The following RCOR1 variants were observed in gnomAD, a reference collection of about 807,000 sequenced individuals.
The protein encoded by RCOR1 is REST corepressor 1.
A neutral mutation model predicts 64.0 loss-of-function variants in RCOR1; 12 were observed. The observed-to-expected ratio is 0.19, with a 90% confidence interval of 0.12 to 0.30. The LOEUF (loss-of-function observed/expected upper bound fraction) is 0.30. Among genes scored for constraint, RCOR1 ranks in the 10% least tolerant of loss-of-function variants. RCOR1 has a pLI of 1.00. For synonymous variants in RCOR1, 279 were observed against 227.2 expected (o/e 1.23, Z -2.05); for missense variants, 502 against 621.2 (o/e 0.81, Z 2.04).
intron 2 of RCOR1, among the ~76,000 whole-genome samples, chr14:102,636,744 C>T (rs146580675): frequency 0.09 from 13,632 of 151,620 alleles, 667 homozygotes; most frequent in Middle Eastern, 0.17. Flanking sequence ...CCGAGGCAGG[C>T]GGATCACCTG....
At chr14:102,621,696 G>A (rs899303692) in intron 2 of RCOR1, among the ~76,000 whole-genome samples, 3 of 107,660 alleles carry the variant, frequency 2.8e-5, no homozygotes, top group Admixed American at 1.0e-4. Context: ...TAGTTGGCAC[G>A]AAATAAAATC....
chr14:102,598,550 C>A (rs554616615), intron 2 of RCOR1, among the ~76,000 whole-genome samples: 3 of 104,114 alleles, frequency 2.9e-5, no homozygotes, highest in African/African-American at 8.9e-5. Flanking sequence ...TGGGTTCATG[C>A]CGTTCTCCTG....
intron 2 of RCOR1, among the ~76,000 whole-genome samples, chr14:102,596,604 G>C (rs1172866734): frequency 6.6e-6 from 1 of 151,776 alleles, no homozygotes; most frequent in East Asian, 1.9e-4. Context: ...TCACTCTGTT[G>C]CCCAGGCTGG....
At position 102,593,476 on chromosome 14, in the gene RCOR1, G is replaced by GCGCACA. The variant is rs1893177677; in HGVS notation, c.361+160_361+165dup. 4 of 873,208 alleles carry GCGCACA rather than the reference G, an allele frequency of 4.6e-6. No homozygotes were observed. The East Asian group carries it at 1.3e-4, about 29-fold the overall frequency. The allele number at this position is 873,208 out of a possible 1,614,324, so 54.1% of individuals were successfully genotyped here. ...AGAACAGCAGGGCGAGGACGAGGAG[G>GCGCACA]CGCACACGCACACGAGTGTTCTGCA... On this transcript the variant is annotated intron_variant, in intron 2 of 11. Transcript: ENST00000262241.
intron 2 of RCOR1, among the ~76,000 whole-genome samples, chr14:102,608,753 C>T (rs1054190201): frequency 3.3e-5 from 5 of 149,922 alleles, no homozygotes; most frequent in Non-Finnish European, 5.9e-5. Context: ...TGTGGAGAGA[C>T]GGGGTTTGTT....
chr14:102,670,081 G>A (rs1429750167), intron 2 of RCOR1, among the ~76,000 whole-genome samples: 1 of 152,148 alleles, frequency 6.6e-6, no homozygotes, highest in Non-Finnish European at 1.5e-5. Context: ...CTCCTGAGTA[G>A]CTGGGATTAC....
intron 2 of RCOR1, among the ~76,000 whole-genome samples, chr14:102,601,589 A>G (rs1055730148): frequency 6.6e-6 from 1 of 152,192 alleles, no homozygotes; most frequent in Non-Finnish European, 1.5e-5. Context: ...ATGATGATTA[A>G]TGATTGATAG....
At chr14:102,616,790 A>G (rs986275134) in intron 2 of RCOR1, among the ~76,000 whole-genome samples, 3 of 152,092 alleles carry the variant, frequency 2.0e-5, no homozygotes, top group African/African-American at 4.8e-5. Flanking sequence ...TCTGAACCCA[A>G]TCCTTTCAGG....
intron 3 of RCOR1, among the ~76,000 whole-genome samples, chr14:102,688,660 C>T (rs891789930): frequency 6.6e-6 from 1 of 152,142 alleles, no homozygotes. Flanking sequence ...GAATTGTGGG[C>T]TTAGTGACTG....
chr14:102,717,514 G>T (rs1896089980), intron 8 of RCOR1, among the ~76,000 whole-genome samples: 1 of 152,144 alleles, frequency 6.6e-6, no homozygotes. Context: ...TTTCAAATGA[G>T]ATTAATCCTG....
intron 3 of RCOR1, among the ~76,000 whole-genome samples, chr14:102,685,779 T>C (rs927969020): frequency 6.6e-6 from 1 of 152,142 alleles, no homozygotes; most frequent in Non-Finnish European, 1.5e-5. Flanking sequence ...CTGGGCAACA[T>C]GGTGAAACCC....
intron 2 of RCOR1, among the ~76,000 whole-genome samples, chr14:102,660,397 T>C (rs1034546626): frequency 2.0e-5 from 3 of 152,130 alleles, no homozygotes; most frequent in Non-Finnish European, 4.4e-5. Context: ...CTTTCCCCCC[T>C]TTTTTGAGAT....
At chr14:102,671,260 C>T (rs1895027685) in intron 2 of RCOR1, among the ~76,000 whole-genome samples, 1 of 152,180 alleles carries the variant, frequency 6.6e-6, no homozygotes, top group Non-Finnish European at 1.5e-5. Flanking sequence ...TCCCTCTTCC[C>T]CTCGACTCCA....
intron 3 of RCOR1, 115 bp downstream of exon 3, chr14:102,682,093 ATAATT>A (rs111839424): frequency 4.1e-5 from 26 of 629,306 alleles, no homozygotes; most frequent in African/African-American, 2.6e-4. Context: ...TTTAAGATAA[ATAATT>A]TAAAGAGTTT....
At chr14:102,617,864 A>G (rs1893794297) in intron 2 of RCOR1, among the ~76,000 whole-genome samples, 1 of 151,944 alleles carries the variant, frequency 6.6e-6, no homozygotes, top group Non-Finnish European at 1.5e-5. Context: ...CTGGGATTAC[A>G]GGCGTGAGCC....
chr14:102,658,507 T>C (rs1241667449), intron 2 of RCOR1: 1 of 983,964 alleles, frequency 1.0e-6, no homozygotes, highest in Non-Finnish European at 1.2e-6. Flanking sequence ...AAAATGGTTT[T>C]CTTACTTTTA....
intron 2 of RCOR1, among the ~76,000 whole-genome samples, chr14:102,615,336 T>G (rs1893736296): frequency 6.6e-6 from 1 of 151,794 alleles, no homozygotes; most frequent in East Asian, 1.9e-4. Context: ...GAGACGGGGT[T>G]TCACCATGTT....
intron 11 of RCOR1, among the ~76,000 whole-genome samples, chr14:102,725,238 A>G (rs1217143451): frequency 3.3e-5 from 5 of 152,206 alleles, no homozygotes; most frequent in African/African-American, 1.2e-4. Flanking sequence ...GTTCTTGTAC[A>G]TGGTATGGTT....
chr14:102,672,463 C>T (rs1895050263), intron 2 of RCOR1, among the ~76,000 whole-genome samples: 1 of 152,156 alleles, frequency 6.6e-6, no homozygotes, highest in Middle Eastern at 3.4e-3. Flanking sequence ...CCGCCCGCCT[C>T]GGCTTCCCAA....
Sources: gnomAD v4.1 joint callset for allele counts (sites outside exome capture counted in the v4.1 genomes callset) on GRCh38, gnomAD v4.1.1 for gene constraint, MANE v1.5 for transcripts, NCBI Gene and HGNC (gene_info 2026-07-23, HGNC 2026-07-21) for gene names.